WDR72: variants seen among roughly 807,000 people sequenced by gnomAD.
WDR72 encodes WD repeat-containing protein 72.
Under a neutral mutation model 124.2 loss-of-function variants are expected in WDR72, and 120 were observed. The ratio of observed to expected loss-of-function variants is 0.97; its 90% CI spans 0.83 to 1.12. WDR72 has a LOEUF of 1.12. Ranked by LOEUF, WDR72 falls within the 50% of genes most tolerant of loss-of-function variation. The probability of loss-of-function intolerance (pLI) is 0.00; values close to 1 mark genes in which losing one functional copy is unlikely to be tolerated. For missense variants in WDR72, 1,387 were observed against 1,278.8 expected (o/e 1.08, Z -1.29); for synonymous variants, 452 against 441.7 (o/e 1.02, Z -0.29).
chr15:53,517,617 T>C lies in WDR72; in HGVS notation c.*82A>G. On this transcript the variant is annotated 3_prime_UTR_variant, in exon 20 of 20. Transcript: ENST00000360509. ...CTAATAACTTGACCAATAACAACAA[T>C]GCTTTTATACAGTAATAAACAAATG... The C allele has an allele frequency of 7.0e-7, 1 of 1,432,196 alleles. No individual in the cohort carries two copies. Among genetic ancestry groups the C allele is most frequent in the Non-Finnish European group, 9.8e-7 (1 of 1,015,266 alleles). The allele number at this position is 1,432,196 out of a possible 1,614,324, so 88.7% of individuals were successfully genotyped here.
Position 53,642,651 on chromosome 15 carries a change from T to C in WDR72, c.1962+22921A>G, listed in dbSNP as rs2014897157. On this transcript the variant is annotated intron_variant, in intron 14 of 19. Coordinates refer to ENST00000360509, the MANE Select transcript of WDR72 (RefSeq NM_182758.4). ...AGTGATACATGAAAACTGATACTGC[T>C]ATACAGTATTTTGGAAAGTCTTAAA... 2.0e-5 allele frequency among the ~76,000 whole-genome samples: 3 copies of C among 152,100 alleles called. No individual in the cohort carries two copies. The South Asian group carries it at 6.2e-4, about 31-fold the overall frequency.
chr15:53,612,116 T>C (rs892569770), intron 16 of WDR72, among the ~76,000 whole-genome samples: 2 of 152,168 alleles, frequency 1.3e-5, no homozygotes, highest in African/African-American at 4.8e-5. Context: ...ATCTCAGCCA[T>C]CTATCTTATT....
intron 18 of WDR72, among the ~76,000 whole-genome samples, chr15:53,594,625 A>AT (rs1348260962): frequency 4.5e-5 from 5 of 109,962 alleles, no homozygotes; most frequent in Admixed American, 9.6e-5. Context: ...AAAAATAAAA[A>AT]TTAAAAAAAA....
intron 17 of WDR72, among the ~76,000 whole-genome samples, chr15:53,609,149 C>A (rs1454968662): frequency 6.6e-6 from 1 of 151,642 alleles, no homozygotes; most frequent in African/African-American, 2.4e-5. Context: ...CCACAAAAAT[C>A]AAAAATTAAA....
chr15:53,713,428 A>ATTTTG (rs150191323), intron 6 of WDR72, among the ~76,000 whole-genome samples: 34,048 of 98,178 alleles, frequency 0.35, 4,581 homozygotes, highest in East Asian at 0.49. Flanking sequence ...ATTTTATTTT[A>ATTTTG]TTTTATTTTA....
chr15:53,524,743 C>G (rs1892012559), intron 18 of WDR72, among the ~76,000 whole-genome samples: 1 of 152,072 alleles, frequency 6.6e-6, no homozygotes, highest in East Asian at 1.9e-4. Flanking sequence ...GTTTCTAAAA[C>G]CTTTTTTGGG....
At chr15:53,750,700 G>T (rs1324815770) in intron 1 of WDR72, among the ~76,000 whole-genome samples, 1 of 152,202 alleles carries the variant, frequency 6.6e-6, no homozygotes, top group Admixed American at 6.5e-5. Context: ...ATAGCAGGAA[G>T]TCAAAATATC....
In WDR72 at chr15:53,559,219, T is replaced by C. The variant is rs192786881; in HGVS notation, c.3149-35897A>G. Among the ~76,000 whole-genome samples, 36 of 152,132 alleles carry C rather than the reference T, an allele frequency of 2.4e-4. No homozygotes were observed. In the East Asian group the frequency reaches 6.0e-3, roughly 25 times the overall value. ...GGATTTTGCTACTGCCATAGTAGCC[T>C]TGGTTTCTTTTAGCCATGGACTAGA... On this transcript the variant is annotated intron_variant, in intron 18 of 19. Coordinates refer to ENST00000360509, the MANE Select transcript of WDR72 (RefSeq NM_182758.4).
chr15:53,688,456 A>T (rs2016722197), intron 13 of WDR72, among the ~76,000 whole-genome samples: 2 of 151,612 alleles, frequency 1.3e-5, no homozygotes, highest in South Asian at 4.2e-4. Flanking sequence ...GTGAACTCCC[A>T]TTCACAATTG....
chr15:53,554,061 G>T (rs1893835480), intron 18 of WDR72, among the ~76,000 whole-genome samples: 2 of 152,010 alleles, frequency 1.3e-5, no homozygotes, highest in Non-Finnish European at 2.9e-5. Flanking sequence ...CATGTATAGT[G>T]CCTTTGTGTT....
chr15:53,568,697 A>G (rs995947270), intron 18 of WDR72, among the ~76,000 whole-genome samples: 3 of 151,922 alleles, frequency 2.0e-5, no homozygotes, highest in Non-Finnish European at 4.4e-5. Context: ...AAAGTTCCTC[A>G]TCAATTCCTG....
intron 13 of WDR72, among the ~76,000 whole-genome samples, chr15:53,669,270 G>A (rs975069383): frequency 8.5e-5 from 13 of 152,168 alleles, no homozygotes; most frequent in Admixed American, 4.6e-4. Context: ...TCTGGCACCC[G>A]CGAGGGAATA....
intron 15 of WDR72, among the ~76,000 whole-genome samples, chr15:53,614,274 G>T (rs1327381877): frequency 6.6e-6 from 1 of 152,032 alleles, no homozygotes; most frequent in South Asian, 2.1e-4. Context: ...ATGTGCCCAG[G>T]TGTTAAGCAC....
chr15:53,713,812 A>G (rs950439565), intron 6 of WDR72, among the ~76,000 whole-genome samples: 3 of 152,184 alleles, frequency 2.0e-5, no homozygotes, highest in Non-Finnish European at 4.4e-5. Context: ...AACACACAGC[A>G]CATAGAATAG....
At chr15:53,592,029 G>A (rs1417571573) in intron 18 of WDR72, among the ~76,000 whole-genome samples, 2 of 151,896 alleles carry the variant, frequency 1.3e-5, no homozygotes, top group African/African-American at 4.8e-5. Context: ...CCCAACATAT[G>A]GGCCAAGTCA....
At chr15:53,726,234 ATGTATGTGTG>A in intron 2 of WDR72, among the ~76,000 whole-genome samples, 1 of 132,306 alleles carries the variant, frequency 7.6e-6, no homozygotes, top group East Asian at 2.1e-4. Flanking sequence ...ATATATATAT[ATGTATGTGTG>A]TATATATATA....
intron 2 of WDR72, among the ~76,000 whole-genome samples, chr15:53,727,591 ATCTTTCCCTG>A (rs1400449883): frequency 6.6e-6 from 1 of 152,128 alleles, no homozygotes; most frequent in Non-Finnish European, 1.5e-5. Context: ...ACAACATACT[ATCTTTCCCTG>A]TCATCACACT....
chr15:53,689,776 T>C (rs1008141663), intron 13 of WDR72, among the ~76,000 whole-genome samples: 3 of 152,166 alleles, frequency 2.0e-5, no homozygotes, highest in African/African-American at 4.8e-5. Context: ...CGTATGTTTA[T>C]TGCGGCATTA....
At chr15:53,556,401 C>A (rs1050535318) in intron 18 of WDR72, among the ~76,000 whole-genome samples, 3 of 152,068 alleles carry the variant, frequency 2.0e-5, no homozygotes, top group Non-Finnish European at 4.4e-5. Flanking sequence ...TCTATTACTT[C>A]AAAGAATTCA....
Sources: allele counts gnomAD v4.1 joint callset (sites outside exome capture counted in the v4.1 genomes callset), GRCh38; gene constraint gnomAD v4.1.1; transcripts MANE v1.5; gene names NCBI Gene and HGNC (gene_info 2026-07-23, HGNC 2026-07-21).